The following NAALADL2 variants were observed in gnomAD, a reference collection of about 807,000 sequenced individuals.
NAALADL2 encodes inactive N-acetylated-alpha-linked acidic dipeptidase-like protein 2.
Under a neutral mutation model 87.2 loss-of-function variants are expected in NAALADL2, and 76 were observed. The observed-to-expected ratio is 0.87, with a 90% CI of 0.72 to 1.05. NAALADL2 has a LOEUF of 1.05. NAALADL2 is among the 50% of genes least tolerant of loss of function. NAALADL2 has a pLI of 0.00. For synonymous variants in NAALADL2, 354 were observed against 331.0 expected (o/e 1.07, Z -0.75); for missense variants, 1,089 against 945.8 (o/e 1.15, Z -1.99).
chr3:175,627,978 C>CT (rs1727223212), intron 11 of NAALADL2, among the ~76,000 whole-genome samples: 1 of 151,378 alleles, frequency 6.6e-6, no homozygotes, highest in Non-Finnish European at 1.5e-5. Context: ...AAAAAGGCTA[C>CT]TTTTTAAAAT....
chr3:174,916,918 T>C (rs887690320), intron 1 of NAALADL2, among the ~76,000 whole-genome samples: 2 of 152,110 alleles, frequency 1.3e-5, no homozygotes, highest in Admixed American at 6.5e-5. Context: ...ATTTTCAGAG[T>C]GATTAATATA....
intron 12 of NAALADL2, among the ~76,000 whole-genome samples, chr3:175,749,318 T>C (rs1013885758): frequency 3.9e-5 from 6 of 152,050 alleles, no homozygotes; most frequent in Non-Finnish European, 7.4e-5. Context: ...CAAGAGTTTA[T>C]GCTAAGTTGA....
intron 5 of NAALADL2, among the ~76,000 whole-genome samples, chr3:175,426,923 C>A (rs950806047): frequency 6.6e-6 from 1 of 152,024 alleles, no homozygotes; most frequent in Non-Finnish European, 1.5e-5. Flanking sequence ...TTGTGATGAC[C>A]GGAAACAGAA....
chr3:174,853,946 A>G (rs75052612), intron 3 of NAALADL2, among the ~76,000 whole-genome samples: 2,812 of 152,256 alleles, frequency 0.018, 95 homozygotes, highest in African/African-American at 0.065. Context: ...GTAAATTATT[A>G]TAGTCAGTAT....
At chr3:174,789,843 A>G (rs1310557201) in intron 3 of NAALADL2, among the ~76,000 whole-genome samples, 1 of 152,220 alleles carries the variant, frequency 6.6e-6, no homozygotes, top group Non-Finnish European at 1.5e-5. Context: ...TTGAAAACAG[A>G]TAGAAGAACA....
chr3:174,891,456 CCAG>C, intron 1 of NAALADL2, among the ~76,000 whole-genome samples: 1 of 152,186 alleles, frequency 6.6e-6, no homozygotes, highest in East Asian at 1.9e-4. Context: ...CCCTCATCCC[CCAG>C]CAGCAGCATG....
chr3:174,465,210 G>A (rs1716464087), intron 1 of NAALADL2, among the ~76,000 whole-genome samples: 1 of 152,110 alleles, frequency 6.6e-6, no homozygotes, highest in African/African-American at 2.4e-5. Context: ...GCATGTGTGT[G>A]TTAAGAATAA....
intron 6 of NAALADL2, among the ~76,000 whole-genome samples, chr3:175,450,890 C>A (rs1721462327): frequency 6.6e-6 from 1 of 152,056 alleles, no homozygotes; most frequent in Non-Finnish European, 1.5e-5. Context: ...TAAAAGTGAA[C>A]AAGAAACCAT....
intron 1 of NAALADL2, among the ~76,000 whole-genome samples, chr3:174,544,424 A>G (rs947214672): frequency 1.4e-4 from 22 of 152,104 alleles, no homozygotes; most frequent in African/African-American, 5.1e-4. Flanking sequence ...TTTCTCATAC[A>G]TTAAAAAAGT....
Position 175,807,158 on chromosome 3 carries a change from T to A in NAALADL2, c.*3955T>A, listed in dbSNP as rs984014725. The A allele has an allele frequency of 6.6e-6, 1 of 151,788 alleles. No homozygotes were observed. Among genetic ancestry groups the A allele is most frequent in the African/African-American group, 2.4e-5 (1 of 41,372 alleles). 9.4% of individuals were successfully genotyped at this position (151,788 alleles called of 1,614,324 possible). A position where few individuals can be genotyped will look rare whatever the true frequency, so the allele number is the denominator to read the frequency against. ...GAAACCACAAGTCTTACACTTTCAT[T>A]CTCTAAATGCTTATATAATTTCACT... On this transcript the variant is annotated 3_prime_UTR_variant, in exon 14 of 14. Transcript: ENST00000454872.
intron 1 of NAALADL2, among the ~76,000 whole-genome samples, chr3:174,939,060 G>T (rs1264270555): frequency 2.0e-5 from 3 of 152,014 alleles, no homozygotes; most frequent in African/African-American, 7.2e-5. Flanking sequence ...TGCTTTTGGT[G>T]TCTTGTCATG....
intron 1 of NAALADL2, among the ~76,000 whole-genome samples, chr3:175,013,173 C>CATAAATATATAATAT (rs1560475466): frequency 0.019 from 1,554 of 81,694 alleles, 368 homozygotes; most frequent in African/African-American, 0.13. Flanking sequence ...ATATGTAATA[C>CATAAATATATAATAT]ATATTTATAT....
At chr3:174,503,851 T>C (rs1292037299) in intron 1 of NAALADL2, among the ~76,000 whole-genome samples, 1 of 152,146 alleles carries the variant, frequency 6.6e-6, no homozygotes, top group Non-Finnish European at 1.5e-5. Context: ...TATTGAAATA[T>C]AATGAACCCT....
chr3:175,733,294 G>C (rs903625093), intron 11 of NAALADL2, among the ~76,000 whole-genome samples: 9 of 152,318 alleles, frequency 5.9e-5, no homozygotes, highest in South Asian at 2.1e-4. Context: ...AGTTCCATGT[G>C]GCTGGGGAAG....
At position 175,547,590 on chromosome 3, in the gene NAALADL2, C is replaced by T. The variant is rs146269105; in HGVS notation, c.1654-28451C>T. 8.5e-3 allele frequency among the ~76,000 whole-genome samples: 1,297 copies of T among 151,896 alleles called. 23 individuals carry two copies. Among genetic ancestry groups the T allele is most frequent in the African/African-American group, 0.03 (1,239 of 41,446 alleles). On this transcript the variant is annotated intron_variant, in intron 9 of 13. Coordinates refer to ENST00000454872, the MANE Select transcript of NAALADL2 (RefSeq NM_207015.3). ...TAATTAAACTAAAGAGCTTCTGCAC[C>T]GCAAAATAAACTATCATCAGCGTGA...
intron 5 of NAALADL2, among the ~76,000 whole-genome samples, chr3:175,399,370 AG>A (rs1478972038): frequency 6.6e-6 from 1 of 151,834 alleles, no homozygotes; most frequent in Non-Finnish European, 1.5e-5. Flanking sequence ...CAGCCCAGCA[AG>A]TCCCAGCCTC....
At chr3:174,494,300 G>A (rs1718382806) in intron 1 of NAALADL2, among the ~76,000 whole-genome samples, 1 of 152,108 alleles carries the variant, frequency 6.6e-6, no homozygotes, top group African/African-American at 2.4e-5. Context: ...GAAATAATCA[G>A]ATTTGCTTTT....
intron 2 of NAALADL2, among the ~76,000 whole-genome samples, chr3:174,594,524 A>G (rs1325550750): frequency 6.6e-6 from 1 of 152,200 alleles, no homozygotes; most frequent in Non-Finnish European, 1.5e-5. Context: ...CATAAAGACT[A>G]CAACATATAG....
At chr3:174,683,627 CTGGTGTG>C (rs1476224406) in intron 2 of NAALADL2, among the ~76,000 whole-genome samples, 2 of 83,634 alleles carry the variant, frequency 2.4e-5, no homozygotes, top group Non-Finnish European at 4.5e-5. Flanking sequence ...AACAGAACTT[CTGGTGTG>C]TGTGTGTGTG....
Sources: allele counts gnomAD v4.1 joint callset (sites outside exome capture counted in the v4.1 genomes callset), GRCh38; gene constraint gnomAD v4.1.1; transcripts MANE v1.5; gene names NCBI Gene and HGNC (gene_info 2026-07-23, HGNC 2026-07-21).